SLC30A4: variants seen among roughly 807,000 people sequenced by gnomAD.
The protein encoded by SLC30A4 is solute carrier family 30 member 4.
Under a neutral mutation model 41.7 loss-of-function variants are expected in SLC30A4, and 20 were observed. That is an observed-to-expected ratio of 0.48 (90% CI 0.34 to 0.70). SLC30A4 has a LOEUF of 0.70. Ranked by LOEUF, SLC30A4 falls within the 30% of genes least tolerant of loss-of-function variation. The probability of loss-of-function intolerance (pLI) is 0.01; values close to 1 mark genes in which losing one functional copy is unlikely to be tolerated. For missense variants in SLC30A4, 441 were observed against 529.3 expected (o/e 0.83, Z 1.64); for synonymous variants, 181 against 195.9 (o/e 0.92, Z 0.64).
rs1891608279 is a variant in SLC30A4, at chr15:45,482,007, G to A, written c.*3156C>T. 7.3e-6 allele frequency: 1 copy of A among 136,360 alleles called. No homozygotes were observed. Among genetic ancestry groups the A allele is most frequent in the African/African-American group, 2.8e-5 (1 of 36,032 alleles). 8.4% of individuals were successfully genotyped at this position (136,360 alleles called of 1,614,324 possible). On this transcript the variant is annotated 3_prime_UTR_variant, in exon 8 of 8. Coordinates refer to ENST00000261867, the MANE Select transcript of SLC30A4 (RefSeq NM_013309.6). ...AGCCCGAGGTGGAAGGATTTCTTGA[G>A]CCCAGGAGCTCAAGACCAGCCTGGG...
chr15:45,519,347 C>A (rs1327543630), intron 2 of SLC30A4: 2 of 152,076 alleles, frequency 1.3e-5, no homozygotes, highest in Admixed American at 1.3e-4. Context: ...AAGCGATTCT[C>A]GTGTCTCAGC....
chr15:45,518,685 C>T (rs1892571590), intron 2 of SLC30A4, among the ~76,000 whole-genome samples: 2 of 151,776 alleles, frequency 1.3e-5, no homozygotes, highest in Non-Finnish European at 2.9e-5. Context: ...ACTTCAGCCT[C>T]CAGAGGAGCT....
Position 45,511,185 on chromosome 15 carries a change from G to A in SLC30A4, c.491C>T (p.Ser164Leu). 1 of 1,613,812 alleles carries A rather than the reference G, an allele frequency of 6.2e-7. No homozygotes were observed. Residue 164 changes from serine to leucine, a missense_variant, in exon 3 of 8, where the codon TCA (serine) becomes TTA (leucine). Ser to Leu is a moderately radical substitution (Grantham distance 145, BLOSUM62 -2). Coordinates refer to ENST00000261867, the MANE Select transcript of SLC30A4 (RefSeq NM_013309.6). ...GAATCTTTTGGTTGGTGATTTTGAT[G>A]ATAGCCACAAAGCAAGCAGGGTGAG... ...IILTLLALWL[S>L]SKSPTKRFTF...
rs775861652 is a variant in SLC30A4, at chr15:45,522,251, G to A, written c.104C>T (p.Ala35Val). 1.2e-6 allele frequency: 2 copies of A among 1,614,100 alleles called. No individual in the cohort carries two copies. Among genetic ancestry groups the A allele is most frequent in the South Asian group, 1.1e-5 (1 of 91,060 alleles). The change falls in exon 2 of 8, where the codon GCG (alanine) becomes GTG (valine). Residue 35 changes from alanine (A) to valine (V), a missense_variant. This residue lies in a region of SLC30A4 where 312 missense variants were observed against 341.9 expected (regional missense o/e 0.91). Transcript: ENST00000261867. ...GAACCGAGAAAGCCCCTCGTCCCCC[G>A]CCTCATCCGAGAAGTCAAAGGCGCT... ...DTSAFDFSDE[A>V]GDEGLSRFNK...
At chr15:45,507,846 G>A (rs1027629144) in intron 3 of SLC30A4, among the ~76,000 whole-genome samples, 10 of 152,066 alleles carry the variant, frequency 6.6e-5, no homozygotes, top group Non-Finnish European at 1.5e-4. Context: ...TATTAGTTTA[G>A]TTTTGGTCAT....
chr15:45,517,254 G>A (rs560278340), intron 2 of SLC30A4, among the ~76,000 whole-genome samples: 4 of 146,342 alleles, frequency 2.7e-5, no homozygotes, highest in East Asian at 4.0e-4. Flanking sequence ...TATTCCTACG[G>A]CATTATATAC....
At chr15:45,494,686 T>TCAAAACAAAA (rs146741531) in intron 3 of SLC30A4, among the ~76,000 whole-genome samples, 353 of 151,412 alleles carry the variant, frequency 2.3e-3, no homozygotes, top group African/African-American at 8.1e-3. Flanking sequence ...AGACTCTGTC[T>TCAAAACAAAA]CAAAACAAAA....
In SLC30A4 at chr15:45,483,302, C is replaced by T. The variant is rs1199081066; in HGVS notation, c.*1861G>A. ...TCTGCATGCTTATCTAGAATTTCAA[C>T]TTACAATTTGCCTGGTACATTGTTA... On this transcript the variant is annotated 3_prime_UTR_variant, in exon 8 of 8. Transcript: ENST00000261867. The T allele has an allele frequency of 6.6e-6, 1 of 152,184 alleles. No individual in the cohort carries two copies. Among genetic ancestry groups the T allele is most frequent in the African/African-American group, 2.4e-5 (1 of 41,446 alleles). The allele number at this position is 152,184 out of a possible 1,614,324, so 9.4% of individuals were successfully genotyped here.
intron 3 of SLC30A4, among the ~76,000 whole-genome samples, chr15:45,506,935 C>T (rs1006270800): frequency 6.6e-6 from 1 of 152,174 alleles, no homozygotes; most frequent in African/African-American, 2.4e-5. Context: ...ACTACTAATT[C>T]CAGAACATGT....
At chr15:45,497,728 T>C (rs1278105345) in intron 3 of SLC30A4, among the ~76,000 whole-genome samples, 1 of 152,332 alleles carries the variant, frequency 6.6e-6, no homozygotes, top group Admixed American at 6.5e-5. Context: ...TTGCCAAAAC[T>C]AGGAGTTTTC....
At chr15:45,486,314 T>C (rs547711715) in intron 7 of SLC30A4, among the ~76,000 whole-genome samples, 1 of 152,318 alleles carries the variant, frequency 6.6e-6, no homozygotes, top group African/African-American at 2.4e-5. Context: ...CGAGCCACCA[T>C]GCCAGTCAGG....
intron 3 of SLC30A4, among the ~76,000 whole-genome samples, chr15:45,494,686 T>TCAAAACAAAACAAAACAAAA (rs146741531): frequency 2.0e-4 from 31 of 151,416 alleles, no homozygotes; most frequent in African/African-American, 7.6e-4. Flanking sequence ...AGACTCTGTC[T>TCAAAACAAAACAAAACAAAA]CAAAACAAAA....
intron 3 of SLC30A4, among the ~76,000 whole-genome samples, chr15:45,498,351 A>T (rs1382354422): frequency 6.6e-6 from 1 of 152,142 alleles, no homozygotes; most frequent in Non-Finnish European, 1.5e-5. Flanking sequence ...CCTAATGAGA[A>T]AATTCAAAAT....
In SLC30A4 at chr15:45,520,093, C is replaced by G. The variant is rs900928895; in HGVS notation, c.391+1871G>C. ...GGTGCTAGGAATTCAGCCTGTATTT[C>G]AGTGGAAACAGGTAATATTAAATGA... On this transcript the variant is annotated intron_variant, in intron 2 of 7. Coordinates refer to ENST00000261867, the MANE Select transcript of SLC30A4 (RefSeq NM_013309.6). Among the ~76,000 whole-genome samples, 3 of 152,082 alleles carry G rather than the reference C, an allele frequency of 2.0e-5. No individual in the cohort carries two copies. The East Asian group carries it at 5.8e-4, about 29-fold the overall frequency.
Position 45,486,630 on chromosome 15 carries a change from G to C in SLC30A4, c.1116C>G (p.Ala372=). ...ACATACTTAGCTGTATGTGAACTAT[G>C]GCAGTAGATTTTCCTGAAGTGAGAG... ...IWSLTSGKST[A]IVHIQLIPGS... is the part of the protein sequence containing the mutation. Residue 372 remains alanine, a synonymous_variant, in exon 7 of 8, where the codon GCC becomes GCG. Coordinates refer to ENST00000261867, the MANE Select transcript of SLC30A4 (RefSeq NM_013309.6). 1 of 1,604,306 alleles carries C rather than the reference G, an allele frequency of 6.2e-7. No homozygotes were observed. The highest frequency in any genetic ancestry group is 8.5e-7 in the Non-Finnish European group (1 of 1,176,850).
chr15:45,514,575 T>A (rs1892408184), intron 2 of SLC30A4, among the ~76,000 whole-genome samples: 1 of 146,060 alleles, frequency 6.8e-6, no homozygotes, highest in Non-Finnish European at 1.5e-5. Context: ...AGTACAGTGG[T>A]GCAATCTCAG....
intron 2 of SLC30A4, among the ~76,000 whole-genome samples, chr15:45,514,284 C>T (rs1453014716): frequency 1.4e-5 from 2 of 146,860 alleles, no homozygotes; most frequent in Admixed American, 7.0e-5. Context: ...GCGGAGGTTA[C>T]GGGGAGGTGG....
At chr15:45,498,671 G>A (rs1044833318) in intron 3 of SLC30A4, among the ~76,000 whole-genome samples, 3 of 152,062 alleles carry the variant, frequency 2.0e-5, no homozygotes, top group Admixed American at 2.0e-4. Flanking sequence ...CCTCACTCAT[G>A]TCTTCTTTCA....
At position 45,487,240 on chromosome 15, in the gene SLC30A4, C is replaced by T. The variant is rs1043226256; in HGVS notation, c.1000+287G>A. ...CAGTTTATTAGCAACATGACCTTAA[C>T]CAAAGTATGTTATCCCTCTGAACCT... On this transcript the variant is annotated intron_variant, in intron 6 of 7. Coordinates refer to ENST00000261867, the MANE Select transcript of SLC30A4 (RefSeq NM_013309.6). 2.6e-5 allele frequency among the ~76,000 whole-genome samples: 4 copies of T among 152,178 alleles called. No homozygotes were observed. The East Asian group carries it at 7.7e-4, about 29-fold the overall frequency.
Sources: allele counts gnomAD v4.1 joint callset (sites outside exome capture counted in the v4.1 genomes callset), GRCh38; gene constraint gnomAD v4.1.1; regional missense constraint gnomAD v4.1.1; transcripts MANE v1.5; gene names NCBI Gene and HGNC (gene_info 2026-07-23, HGNC 2026-07-21).